The following NFASC variants were observed in gnomAD, a reference collection of about 807,000 sequenced individuals.
NFASC encodes the protein neurofascin homolog.
NFASC carries 43 observed loss-of-function variants against 147.5 expected under a neutral mutation model. The observed-to-expected ratio is 0.29, with a 90% CI of 0.23 to 0.38. The LOEUF (loss-of-function observed/expected upper bound fraction) is 0.38, where lower values mean the gene tolerates loss of function less well. Ranked by LOEUF, NFASC falls within the 10% of genes least tolerant of loss-of-function variation. NFASC has a pLI of 1.00. For synonymous variants in NFASC, 622 were observed against 665.5 expected, an observed-to-expected ratio of 0.93 and a Z score of 1.01; for missense variants, 1,320 against 1,689.0, an observed-to-expected ratio of 0.78 and a Z score of 3.83.
intron 24 of NFASC, among the ~76,000 whole-genome samples, chr1:204,996,590 A>G (rs2095849007): frequency 1.3e-5 from 2 of 152,218 alleles, no homozygotes; most frequent in Non-Finnish European, 2.9e-5. Context: ...ACGCCGTGCA[A>G]GGCTCACCCG....
rs555582825 is a variant in NFASC, at chr1:204,957,016, A to C, written c.536-640A>C. Among the ~76,000 whole-genome samples, 45 of 152,352 alleles carry C rather than the reference A, an allele frequency of 3.0e-4. 1 individual carries two copies. The highest frequency in any genetic ancestry group is 9.4e-4 in the African/African-American group (39 of 41,574). ...CTCTAAAATTGAAATCAGATTTAAC[A>C]TCTCTTAAAACTGATGATGTACATC... is the stretch of plus-strand genomic sequence containing the variant. On this transcript the variant is annotated intron_variant, in intron 7 of 29. Coordinates refer to ENST00000339876, the MANE Select transcript of NFASC (RefSeq NM_001005388.3).
At chr1:204,923,257 G>A (rs1401199653) in intron 2 of NFASC, among the ~76,000 whole-genome samples, 1 of 152,142 alleles carries the variant, frequency 6.6e-6, no homozygotes, top group African/African-American at 2.4e-5. Context: ...CCGTTTATCT[G>A]CGTCTTCTCC....
chr1:204,935,444 G>A (rs1011715043), intron 2 of NFASC, among the ~76,000 whole-genome samples: 8 of 152,222 alleles, frequency 5.3e-5, no homozygotes, highest in Non-Finnish European at 2.9e-5. Context: ...GGAAACTGGA[G>A]ATGGGCAAAC....
intron 2 of NFASC, among the ~76,000 whole-genome samples, chr1:204,937,804 A>AT (rs2092994864): frequency 6.6e-6 from 1 of 152,118 alleles, no homozygotes; most frequent in Non-Finnish European, 1.5e-5. Flanking sequence ...TTGCTACTGG[A>AT]TTTTTGGTTC....
At chr1:204,883,976 AC>A in intron 1 of NFASC, among the ~76,000 whole-genome samples, 1 of 152,292 alleles carries the variant, frequency 6.6e-6, no homozygotes, top group African/African-American at 2.4e-5. Context: ...CAGGTGGGTA[AC>A]CCAGTGGGGA....
intron 1 of NFASC, among the ~76,000 whole-genome samples, chr1:204,873,583 A>G (rs1271576817): frequency 6.6e-6 from 1 of 152,178 alleles, no homozygotes; most frequent in African/African-American, 2.4e-5. Context: ...AGAGCACACA[A>G]GGAGCTGGAC....
intron 1 of NFASC, among the ~76,000 whole-genome samples, chr1:204,874,522 C>G (rs1466698294): frequency 2.0e-5 from 3 of 152,180 alleles, no homozygotes; most frequent in Non-Finnish European, 2.9e-5. Flanking sequence ...ACAGGCTCTC[C>G]AGGGCCCTGC....
At chr1:204,864,347 A>G (rs2076948485) in intron 1 of NFASC, among the ~76,000 whole-genome samples, 1 of 152,218 alleles carries the variant, frequency 6.6e-6, no homozygotes, top group Non-Finnish European at 1.5e-5. Flanking sequence ...ACCTGTTTGA[A>G]TTCCTGTTTT....
rs557500609 is a variant in NFASC, at chr1:204,862,804, G to A, written c.-200+34022G>A. 3.4e-4 allele frequency among the ~76,000 whole-genome samples: 52 copies of A among 152,314 alleles called. No homozygotes were observed. In the South Asian group the frequency reaches 6.2e-3, roughly 18 times the overall value. On this transcript the variant is annotated intron_variant, in intron 1 of 29. Transcript: ENST00000339876. ...AGGAGGGAGGCTGGTGAGAAGTACAGGTGAACTGGAACCTTGGTGAGTTAA... is the reference window on the plus strand; with the variant it reads ...AGGAGGGAGGCTGGTGAGAAGTACAAGTGAACTGGAACCTTGGTGAGTTAA...
chr1:204,930,936 G>C (rs1361364318), intron 2 of NFASC, among the ~76,000 whole-genome samples: 1 of 152,186 alleles, frequency 6.6e-6, no homozygotes, highest in Non-Finnish European at 1.5e-5. Flanking sequence ...ACCAGGGCTT[G>C]AGGGCTGCTC....
At position 204,955,998 on chromosome 1, in the gene NFASC, T is replaced by G. The variant is rs540039718; in HGVS notation, c.535+1047T>G. On this transcript the variant is annotated intron_variant, in intron 7 of 29. Coordinates refer to ENST00000339876, the MANE Select transcript of NFASC (RefSeq NM_001005388.3). ...GTGCACATTTATGGGGAAGGCTGCCTGGCCACAGGCTGCTGGCCTCACTTG... is the reference window on the plus strand; with the variant it reads ...GTGCACATTTATGGGGAAGGCTGCCGGGCCACAGGCTGCTGGCCTCACTTG... 2.3e-3 allele frequency among the ~76,000 whole-genome samples: 358 copies of G among 152,348 alleles called. 1 individual carries two copies. The highest frequency in any genetic ancestry group is 4.1e-3 in the Non-Finnish European group (282 of 68,026).
At chr1:204,831,308 G>A (rs1672165814) in intron 1 of NFASC, among the ~76,000 whole-genome samples, 1 of 151,592 alleles carries the variant, frequency 6.6e-6, no homozygotes, top group Non-Finnish European at 1.5e-5. Flanking sequence ...GCTGGAGCAA[G>A]ACCTTCCAAT....
chr1:205,002,617 TC>T lies in NFASC; in HGVS notation c.3161del (p.Pro1054GlnfsTer11). On this transcript the variant is annotated frameshift_variant, in exon 27 of 30. Coordinates refer to ENST00000339876, the MANE Select transcript of NFASC (RefSeq NM_001005388.3). LOFTEE classifies it high-confidence loss of function. ...YIDSNHTKKT[V>X]PVKAQAQPIQ... is the part of the protein sequence containing the mutation. ...CCAGGCAACCATACGAAAAAAACTG[TC>T]CCAGTTAAGGCCCAGGCTCAGCCTA... The T allele has an allele frequency of 6.5e-7, 1 of 1,533,640 alleles. No homozygotes were observed. Among genetic ancestry groups the T allele is most frequent in the Non-Finnish European group, 8.9e-7 (1 of 1,125,290 alleles).
rs945897928 is a variant in NFASC at position 205,019,680 on chromosome 1, G to A, written c.*3141G>A. On this transcript the variant is annotated 3_prime_UTR_variant, in exon 30 of 30. Coordinates refer to ENST00000339876, the MANE Select transcript of NFASC (RefSeq NM_001005388.3). ...CCGCTTAAGCCACTGATGGCTGCGA[G>A]CTTGAAGAGAGGGATTCTGAGGGAG... is the stretch of plus-strand genomic sequence containing the variant. 2.0e-5 allele frequency: 3 copies of A among 152,228 alleles called. No individual in the cohort carries two copies. Among genetic ancestry groups the A allele is most frequent in the African/African-American group, 7.2e-5 (3 of 41,442 alleles). The allele number at this position is 152,228 out of a possible 1,614,324, so 9.4% of individuals were successfully genotyped here.
intron 21 of NFASC, chr1:204,984,293 T>G: frequency 1.7e-6 from 1 of 592,642 alleles, no homozygotes; most frequent in Non-Finnish European, 3.1e-6. Flanking sequence ...TAGGGTTAGA[T>G]GTTCAAAAAT....
At chr1:204,943,942 G>C (rs1221532595) in intron 2 of NFASC, among the ~76,000 whole-genome samples, 1 of 152,198 alleles carries the variant, frequency 6.6e-6, no homozygotes, top group South Asian at 2.1e-4. Context: ...CCAATGTCTG[G>C]AGACATTTCT....
Position 205,018,825 on chromosome 1 carries a change from C to T in NFASC, c.*2286C>T, listed in dbSNP as rs12060823. The T allele has an allele frequency of 0.21, 32,234 of 152,250 alleles. 8,267 individuals carry two copies. Among genetic ancestry groups the T allele is most frequent in the African/African-American group, 0.62 (25,557 of 41,426 alleles). 9.4% of individuals were successfully genotyped at this position (152,250 alleles called of 1,614,324 possible). ...CGTACCCATTGCACCGAAAGCAGGC[C>T]CTTAGGGCAGGAAGGGACGATGAGC... On this transcript the variant is annotated 3_prime_UTR_variant, in exon 30 of 30. Coordinates refer to ENST00000339876, the MANE Select transcript of NFASC (RefSeq NM_001005388.3).
intron 1 of NFASC, among the ~76,000 whole-genome samples, chr1:204,850,569 G>A (rs1200364483): frequency 6.6e-6 from 1 of 152,188 alleles, no homozygotes; most frequent in Admixed American, 6.5e-5. Context: ...CGTCCCCCTT[G>A]CTATTCTTGT....
chr1:204,980,563 G>A (rs748603820), intron 20 of NFASC, 123 bp downstream of exon 20: 4 of 734,174 alleles, frequency 5.4e-6, no homozygotes, highest in African/African-American at 5.4e-5. Context: ...GCTGGTCTTG[G>A]TGGCCATTCT....
Sources: allele counts gnomAD v4.1 joint callset (sites outside exome capture counted in the v4.1 genomes callset), GRCh38; gene constraint gnomAD v4.1.1; transcripts MANE v1.5; gene names NCBI Gene and HGNC (gene_info 2026-07-23, HGNC 2026-07-21).